NLRP7: variants seen among roughly 807,000 people sequenced by gnomAD.
NLRP7 encodes NLR family pyrin domain containing 7, also known as NACHT, LRR and PYD domains-containing protein 7.
A neutral mutation model predicts 85.5 loss-of-function variants in NLRP7; 72 were observed. The ratio of observed to expected loss-of-function variants is 0.84; its 90% CI spans 0.70 to 1.02. The LOEUF (loss-of-function observed/expected upper bound fraction) is 1.02. Ranked by LOEUF, NLRP7 falls within the 50% of genes least tolerant of loss-of-function variation. The pLI is 0.00. For synonymous variants in NLRP7, 550 were observed against 505.2 expected, an observed-to-expected ratio of 1.09 and a Z score of -1.19; for missense variants, 1,243 against 1,219.5, an observed-to-expected ratio of 1.02 and a Z score of -0.29.
At chr19:54,949,304 A>G (rs923873503), upstream of NLRP7, among the ~76,000 whole-genome samples, 5 of 150,326 alleles carry the variant, frequency 3.3e-5, no homozygotes, top group African/African-American at 7.3e-5. Flanking sequence ...GGCCAGGCGC[A>G]GTGGTTCATG....
chr19:54,943,429 G>A (rs542021210), intron 1 of NLRP7, among the ~76,000 whole-genome samples: 8 of 152,048 alleles, frequency 5.3e-5, no homozygotes, highest in Admixed American at 3.3e-4. Flanking sequence ...GTGAAACCCC[G>A]TCTCTACTAA....
upstream of NLRP7, among the ~76,000 whole-genome samples, chr19:54,951,509 G>A (rs1296356225): frequency 1.3e-5 from 2 of 151,878 alleles, no homozygotes; most frequent in Non-Finnish European, 2.9e-5. Flanking sequence ...GAGGTCGCAC[G>A]ACTGCACTCC....
intron 9 of NLRP7, 66 bp downstream of exon 10, chr19:54,927,537 CAG>C: frequency 6.6e-7 from 1 of 1,513,274 alleles, no homozygotes; most frequent in Non-Finnish European, 9.1e-7. Context: ...GCCTGAATGA[CAG>C]AGCACGACTC....
upstream of NLRP7, among the ~76,000 whole-genome samples, chr19:54,950,483 AG>A (rs1211527192): frequency 6.6e-6 from 1 of 152,086 alleles, no homozygotes; most frequent in Non-Finnish European, 1.5e-5. Context: ...TTTCTCAGAG[AG>A]GGGGATGTGG....
chr19:54,960,179 G>A (rs1016555837), intron 1 of NLRP7, among the ~76,000 whole-genome samples: 2 of 151,730 alleles, frequency 1.3e-5, no homozygotes, highest in Admixed American at 1.3e-4. Context: ...TTTTTGAGAT[G>A]TTGTCTCCCT....
At position 54,927,800 on chromosome 19, in the gene NLRP7, C is replaced by G. The variant is rs775870; in HGVS notation, c.2810+2699G>C. On this transcript the variant is annotated intron_variant, in intron 9 of 9. Transcript: ENST00000340844. The stretch of plus-strand genomic sequence containing the variant: ...GCTGTTGAGGAAGAACATGGAAATC[C>G]ACGCATTCACTGAGCAGGTAGTGGC... The G allele has an allele frequency of 0.017, 27,489 of 1,605,804 alleles. 1,674 individuals are homozygous for G. The highest frequency in any genetic ancestry group is 0.16 in the African/African-American group (12,278 of 74,754).
chr19:54,959,730 G>GA (rs372022282), intron 1 of NLRP7, among the ~76,000 whole-genome samples: 62 of 151,162 alleles, frequency 4.1e-4, no homozygotes, highest in African/African-American at 1.4e-3. Context: ...TTAGTGCTTG[G>GA]AAAAAAAAAT....
intron 1 of NLRP7, among the ~76,000 whole-genome samples, chr19:54,964,843 T>A (rs2070281110): frequency 1.7e-5 from 2 of 115,714 alleles, no homozygotes; most frequent in South Asian, 2.5e-4. Flanking sequence ...ATAATAATAA[T>A]ACTGTGAATG....
At chr19:54,931,042 C>A (rs8101834) in intron 8 of NLRP7, among the ~76,000 whole-genome samples, 42,060 of 151,902 alleles carry the variant, frequency 0.28, 6,013 homozygotes, top group East Asian at 0.41. Flanking sequence ...ACAACAACAA[C>A]AAAAAGTATT....
chr19:54,960,568 ATTG>A (rs34717105), intron 1 of NLRP7, among the ~76,000 whole-genome samples: 106,235 of 151,162 alleles, frequency 0.7, 38,112 homozygotes, highest in African/African-American at 0.81. Context: ...AGTTAGAAGA[ATTG>A]TAACAAAAGA....
rs775903122 is a variant in NLRP7, at chr19:54,939,126, C to T, written c.1693G>A (p.Val565Met). 12 of 1,614,096 alleles carry T rather than the reference C, an allele frequency of 7.4e-6. No homozygotes were observed. The highest frequency in any genetic ancestry group is 5.0e-5 in the Admixed American group (3 of 59,990). The change falls in exon 4 of 10, where the codon GTG becomes ATG. Residue 565 changes from valine (V) to methionine (M), a missense_variant. Coordinates refer to ENST00000340844, the Ensembl canonical transcript of NLRP7. ...CCCAAGACCTCCTTCAGGTCGGTCA[C>T]GGATAAGGGCTTATTTGCATGAAGA...
chr19:54,960,967 G>T (rs952101974), intron 1 of NLRP7, among the ~76,000 whole-genome samples: 3 of 152,030 alleles, frequency 2.0e-5, no homozygotes, highest in African/African-American at 7.2e-5. Context: ...GGTCAAAGAA[G>T]AAATAACAAA....
chr19:54,960,054 T>C (rs1406650419), intron 1 of NLRP7, among the ~76,000 whole-genome samples: 1 of 152,038 alleles, frequency 6.6e-6, no homozygotes, highest in Non-Finnish European at 1.5e-5. Flanking sequence ...ACGTAGTTCC[T>C]CTTTTGGATC....
intron 1 of NLRP7, 41 bp downstream of exon 1, chr19:54,947,428 A>G: frequency 7.8e-7 from 1 of 1,280,962 alleles, no homozygotes. Flanking sequence ...TTCTCCCTTA[A>G]ACGAGAAGAC....
At chr19:54,956,714 C>T (rs931888131) in intron 1 of NLRP7, among the ~76,000 whole-genome samples, 8 of 150,596 alleles carry the variant, frequency 5.3e-5, no homozygotes, top group Non-Finnish European at 1.0e-4. Flanking sequence ...AAAGGCCGGG[C>T]GCAGTGGCTC....
At chr19:54,955,829 C>T (rs1001629102) in intron 1 of NLRP7, among the ~76,000 whole-genome samples, 2 of 151,998 alleles carry the variant, frequency 1.3e-5, no homozygotes, top group South Asian at 2.1e-4. Flanking sequence ...AAGGGATTGT[C>T]GAGCCTCAGC....
At position 54,934,804 on chromosome 19, in the gene NLRP7, G is replaced by A; in HGVS notation, c.2301-145C>T. The A allele has an allele frequency of 1.5e-6, 1 of 656,332 alleles. No individual in the cohort carries two copies. 40.7% of individuals were successfully genotyped at this position (656,332 alleles called of 1,614,324 possible). A position where few individuals can be genotyped will look rare whatever the true frequency, so the allele number is the denominator to read the frequency against. On this transcript the variant is annotated intron_variant, in intron 6 of 9. Coordinates refer to ENST00000340844, the Ensembl canonical transcript of NLRP7. This position sits in a 1 kb window ranked among gnomAD's most constrained non-coding sequence, Gnocchi z 6.7. ...ACCTCACTGCAGCCTCCGCCTCCCG[G>A]GTTCAAGCTATTCTCCTGCCTCAGC... is the stretch of plus-strand genomic sequence containing the variant.
intron 1 of NLRP7, 86 bp from the exon 2 acceptor site, chr19:54,941,836 C>CAGCAGGAACAGT: frequency 1.0e-6 from 1 of 1,003,924 alleles, no homozygotes; most frequent in Non-Finnish European, 1.4e-6. Flanking sequence ...CAAGACTGTT[C>CAGCAGGAACAGT]CTGCTGTACA....
At chr19:54,955,170 T>C (rs1385632753) in intron 1 of NLRP7, among the ~76,000 whole-genome samples, 2 of 150,662 alleles carry the variant, frequency 1.3e-5, no homozygotes, top group East Asian at 2.0e-4. Context: ...TCTACTAAAA[T>C]ACAAAAAAAT....
Sources: allele counts gnomAD v4.1 joint callset (sites outside exome capture counted in the v4.1 genomes callset), GRCh38; gene constraint gnomAD v4.1.1; non-coding constraint Gnocchi (gnomAD v3.1); transcripts MANE v1.5; gene names NCBI Gene and HGNC (gene_info 2026-07-23, HGNC 2026-07-21).